Variants in FHIP1A observed in about 807,000 individuals in gnomAD.
FHIP1A encodes FHF complex subunit HOOK interacting protein 1A.
A neutral mutation model predicts 88.6 loss-of-function variants in FHIP1A; 61 were observed. That is an observed-to-expected ratio of 0.69 (90% CI 0.56 to 0.85). The LOEUF is 0.85. Among genes scored for constraint, FHIP1A ranks in the 40% least tolerant of loss-of-function variants. FHIP1A has a pLI of 0.00. For synonymous variants in FHIP1A, 478 were observed against 496.0 expected, an observed-to-expected ratio of 0.96 and a Z score of 0.48; for missense variants, 1,154 against 1,273.5, an observed-to-expected ratio of 0.91 and a Z score of 1.43.
chr4:151,565,632 C>T (rs1167368246), intron 3 of FHIP1A, among the ~76,000 whole-genome samples: 1 of 152,030 alleles, frequency 6.6e-6, no homozygotes, highest in Non-Finnish European at 1.5e-5. Flanking sequence ...TATAACACCT[C>T]CCCCAAGTTG....
At chr4:151,501,137 T>C (rs1411206203) in intron 3 of FHIP1A, among the ~76,000 whole-genome samples, 1 of 152,228 alleles carries the variant, frequency 6.6e-6, no homozygotes, top group African/African-American at 2.4e-5. Context: ...ATTTAGGTTA[T>C]TTTATAAAAT....
intron 3 of FHIP1A, among the ~76,000 whole-genome samples, chr4:151,533,654 T>A (rs888764939): frequency 1.4e-4 from 22 of 152,214 alleles, no homozygotes; most frequent in African/African-American, 4.6e-4. Flanking sequence ...TAGGGTTTTT[T>A]AACTATCATT....
intron 9 of FHIP1A, 45 bp from the exon 10 acceptor site, chr4:151,646,513 C>A: frequency 7.1e-7 from 1 of 1,402,744 alleles, no homozygotes; most frequent in South Asian, 1.3e-5. Context: ...AGTAATGGTT[C>A]AAGACATTGC....
chr4:151,473,435 T>G (rs775090023), intron 2 of FHIP1A, among the ~76,000 whole-genome samples: 2 of 152,032 alleles, frequency 1.3e-5, no homozygotes, highest in Non-Finnish European at 2.9e-5. Flanking sequence ...CTTTATAAAG[T>G]ATAGTATCTT....
chr4:151,658,325 A>C (rs983999364), intron 13 of FHIP1A, among the ~76,000 whole-genome samples: 1 of 152,200 alleles, frequency 6.6e-6, no homozygotes, highest in Admixed American at 6.5e-5. Flanking sequence ...CTGTGTGGTC[A>C]TCTGGGTGTT....
At chr4:151,497,138 A>G (rs529115912) in intron 3 of FHIP1A, among the ~76,000 whole-genome samples, 3 of 152,162 alleles carry the variant, frequency 2.0e-5, no homozygotes, top group Admixed American at 6.5e-5. Context: ...AGAATGAGCA[A>G]ATCTTTCTAA....
intron 3 of FHIP1A, 79 bp from the exon 4 acceptor site, chr4:151,566,059 T>G (rs1407497280): frequency 4.8e-6 from 2 of 412,610 alleles, no homozygotes; most frequent in Non-Finnish European, 8.7e-6. Flanking sequence ...TGTCTAAGCT[T>G]TGATTTAAAT....
At chr4:151,478,473 G>A (rs1340770742) in intron 2 of FHIP1A, among the ~76,000 whole-genome samples, 1 of 152,088 alleles carries the variant, frequency 6.6e-6, no homozygotes, top group Non-Finnish European at 1.5e-5. Flanking sequence ...ATTTTTAACA[G>A]CTGAGTCTGG....
At chr4:151,606,748 C>G (rs1203133466) in intron 7 of FHIP1A, among the ~76,000 whole-genome samples, 1 of 152,136 alleles carries the variant, frequency 6.6e-6, no homozygotes, top group Non-Finnish European at 1.5e-5. Context: ...TTGTAATAAT[C>G]TTGAGCTGTA....
chr4:151,422,425 T>A (rs1201470728), intron 1 of FHIP1A, among the ~76,000 whole-genome samples: 1 of 152,042 alleles, frequency 6.6e-6, no homozygotes, highest in East Asian at 1.9e-4. Flanking sequence ...CTTGCTCCAT[T>A]GTCCAGGCTG....
intron 3 of FHIP1A, among the ~76,000 whole-genome samples, chr4:151,530,220 A>G (rs1731822028): frequency 6.6e-6 from 1 of 152,154 alleles, no homozygotes. Flanking sequence ...GCATTCCTGA[A>G]GTAGATCCTG....
chr4:151,655,542 A>G (rs894674892), intron 11 of FHIP1A, among the ~76,000 whole-genome samples: 2 of 152,026 alleles, frequency 1.3e-5, no homozygotes, highest in African/African-American at 4.8e-5. Context: ...CAAAACTGAC[A>G]CCCTTTTCTC....
chr4:151,411,080 G>A (rs760285595), intron 1 of FHIP1A, among the ~76,000 whole-genome samples: 34 of 152,168 alleles, frequency 2.2e-4, no homozygotes, highest in Non-Finnish European at 4.3e-4. Context: ...TAAAGACATT[G>A]TGTAGGACTT....
intron 3 of FHIP1A, among the ~76,000 whole-genome samples, chr4:151,512,129 C>T (rs1252252104): frequency 6.6e-6 from 1 of 152,194 alleles, no homozygotes; most frequent in African/African-American, 2.4e-5. Context: ...TCGTGGATCA[C>T]GAAAATCCGC....
intron 1 of FHIP1A, among the ~76,000 whole-genome samples, chr4:151,412,577 T>C (rs1385401156): frequency 1.6e-5 from 2 of 128,526 alleles, no homozygotes; most frequent in African/African-American, 5.8e-5. Flanking sequence ...TTTCTTTCTT[T>C]CCTTTCTTTC....
In FHIP1A at chr4:151,646,699, C is replaced by T. The variant is rs1736809308; in HGVS notation, c.1368C>T (p.Asn456=). The change falls in exon 10 of 14, where the codon AAC becomes AAT. Residue 456 remains asparagine (N), a synonymous_variant. Coordinates refer to ENST00000435205, the MANE Select transcript of FHIP1A (RefSeq NM_001109977.3). Reference sequence around the variant, plus strand: ...GCGGGATCACTCTGACGCTGGGGAACCAAGAGAGGGATTATATTCTCTGGT... The same window carrying T: ...GCGGGATCACTCTGACGCTGGGGAATCAAGAGAGGGATTATATTCTCTGGT... ...CSSGITLTLG[N]QERDYILWSK... The T allele has an allele frequency of 6.4e-7, 1 of 1,551,514 alleles. No individual in the cohort carries two copies. The highest frequency in any genetic ancestry group is 8.7e-7 in the Non-Finnish European group (1 of 1,146,918).
chr4:151,564,729 C>G (rs1160485667), intron 3 of FHIP1A, among the ~76,000 whole-genome samples: 1 of 152,166 alleles, frequency 6.6e-6, no homozygotes, highest in Non-Finnish European at 1.5e-5. Context: ...GATTTGTGTA[C>G]TTCTTCTAAC....
At chr4:151,638,828 TTTG>T (rs1736463685) in intron 9 of FHIP1A, 72 bp downstream of exon 9, 1 of 819,136 alleles carries the variant, frequency 1.2e-6, no homozygotes, top group South Asian at 2.1e-5. Context: ...ATTCATATAC[TTTG>T]TTATTTATAT....
In FHIP1A at chr4:151,650,848, C is replaced by T. The variant is rs151036746; in HGVS notation, c.2551+256C>T. Reference sequence around the variant, plus strand: ...TTCTTTTGATATGTCAGTGTTAAAACAGTAGGGCTGATTAAACCACACAAG... The same window carrying T: ...TTCTTTTGATATGTCAGTGTTAAAATAGTAGGGCTGATTAAACCACACAAG... On this transcript the variant is annotated intron_variant, in intron 11 of 13. Coordinates refer to ENST00000435205, the MANE Select transcript of FHIP1A (RefSeq NM_001109977.3). Among the ~76,000 whole-genome samples, 87 of 152,310 alleles carry T rather than the reference C, an allele frequency of 5.7e-4. 1 individual carries two copies. In the East Asian group the frequency reaches 0.016, roughly 28 times the overall value.
Sources: gnomAD v4.1 joint callset for allele counts (sites outside exome capture counted in the v4.1 genomes callset) on GRCh38, gnomAD v4.1.1 for gene constraint, MANE v1.5 for transcripts, NCBI Gene and HGNC (gene_info 2026-07-23, HGNC 2026-07-21) for gene names.